Variants in POLN observed in about 807,000 individuals in gnomAD.
The protein encoded by POLN is DNA polymerase N.
In POLN, 108 loss-of-function variants were observed where a neutral mutation model predicts 113.5. The observed-to-expected ratio is 0.95, with a 90% CI of 0.81 to 1.12. The LOEUF is 1.12. Ranked by LOEUF, POLN falls within the 50% of genes most tolerant of loss-of-function variation. The pLI is 0.00. For synonymous variants in POLN, 386 were observed against 391.5 expected (o/e 0.99, Z 0.17); for missense variants, 1,097 against 1,077.1 (o/e 1.02, Z -0.26).
rs1553897843 is a variant in POLN, at chr4:2,147,643, C to CTTTCTTTTTTT, written c.1731+9144_1731+9145insAAAAAAAGAAA. Among the ~76,000 whole-genome samples the CTTTCTTTTTTT allele has an allele frequency of 2.6e-3, 209 of 79,348 alleles. 2 individuals carry two copies. The highest frequency in any genetic ancestry group is 8.1e-3 in the African/African-American group (197 of 24,228). 52.1% of individuals were successfully genotyped at this position (79,348 alleles called of 152,430 possible). On this transcript the variant is annotated intron_variant, in intron 16 of 25. Transcript: ENST00000511885. Reference sequence around the variant, plus strand: ...AGATCAGACATCCAGTTTTTCTTTTCTTTTTTTTTTTTTTTTGAGACAAAG... The same window carrying CTTTCTTTTTTT: ...AGATCAGACATCCAGTTTTTCTTTTCTTTCTTTTTTTTTTTTTTTTTTTTTTTGAGACAAAG...
At chr4:2,078,669 C>T (rs1399819135) in intron 23 of POLN, 2 of 985,334 alleles carry the variant, frequency 2.0e-6, no homozygotes, top group Non-Finnish European at 2.4e-6. Flanking sequence ...TTTCACATTA[C>T]TCCTGGAAGA....
intron 11 of POLN, among the ~76,000 whole-genome samples, chr4:2,171,949 A>T (rs1002413362): frequency 1.3e-5 from 2 of 152,240 alleles, no homozygotes; most frequent in African/African-American, 4.8e-5. Flanking sequence ...AACATCACAT[A>T]GAACAAGACA....
intron 3 of POLN, among the ~76,000 whole-genome samples, chr4:2,220,171 A>AGGT (rs1354197186): frequency 1.3e-5 from 2 of 151,958 alleles, no homozygotes; most frequent in Non-Finnish European, 2.9e-5. Context: ...CTCCTTTGCC[A>AGGT]CCTGGCACGA....
intron 19 of POLN, 58 bp downstream of exon 19, chr4:2,128,055 T>C: frequency 8.9e-7 from 1 of 1,126,842 alleles, no homozygotes; most frequent in Non-Finnish European, 1.3e-6. Context: ...TTCCAGGCTT[T>C]TAAACTCATG....
intron 13 of POLN, among the ~76,000 whole-genome samples, chr4:2,159,804 C>A (rs1732532870): frequency 6.6e-6 from 1 of 152,164 alleles, no homozygotes; most frequent in Non-Finnish European, 1.5e-5. Flanking sequence ...TTTTGGGGTT[C>A]ATCAACATAT....
At chr4:2,210,923 TAATAAATAAATAAATA>T (rs4030453) in intron 4 of POLN, among the ~76,000 whole-genome samples, 7 of 134,412 alleles carry the variant, frequency 5.2e-5, no homozygotes, top group African/African-American at 8.4e-5. Flanking sequence ...TCTCAAAACA[TAATAAATAAATAAATA>T]AATAAATAAA....
chr4:2,153,747 T>A (rs1473711262), intron 16 of POLN, among the ~76,000 whole-genome samples: 1 of 151,832 alleles, frequency 6.6e-6, no homozygotes, highest in African/African-American at 2.4e-5. Flanking sequence ...CACGCCCGGC[T>A]AATTTTTTTT....
chr4:2,089,086 G>T (rs140721508), intron 20 of POLN: 3 of 903,534 alleles, frequency 3.3e-6, no homozygotes, highest in Admixed American at 2.1e-5. Flanking sequence ...CAATGGATTG[G>T]TCTACTATAG....
chr4:2,079,321 G>T, intron 23 of POLN: 1 of 697,666 alleles, frequency 1.4e-6, no homozygotes, highest in Non-Finnish European at 1.8e-6. Flanking sequence ...AGCACAAGCT[G>T]CTCATATCCT....
chr4:2,220,401 G>C (rs1734226742), intron 3 of POLN, among the ~76,000 whole-genome samples: 1 of 152,166 alleles, frequency 6.6e-6, no homozygotes, highest in African/African-American at 2.4e-5. Flanking sequence ...GCTTCCTACT[G>C]AGTTTCACAA....
chr4:2,128,822 A>G (rs1345479495), intron 18 of POLN, among the ~76,000 whole-genome samples: 1 of 152,214 alleles, frequency 6.6e-6, no homozygotes, highest in Admixed American at 6.5e-5. Context: ...TGGGAGGCCA[A>G]GGCAGGTGGA....
intron 3 of POLN, among the ~76,000 whole-genome samples, chr4:2,219,913 C>G (rs981416032): frequency 1.3e-5 from 2 of 152,092 alleles, no homozygotes; most frequent in African/African-American, 2.4e-5. Context: ...GAAGTGATCC[C>G]GCATAAATAA....
At chr4:2,178,362 G>C (rs1443026425) in intron 8 of POLN, among the ~76,000 whole-genome samples, 2 of 152,228 alleles carry the variant, frequency 1.3e-5, no homozygotes, top group Non-Finnish European at 2.9e-5. Context: ...AGTAGCCTGT[G>C]TGTTCTTCCA....
intron 11 of POLN, among the ~76,000 whole-genome samples, chr4:2,172,257 G>C (rs1329259931): frequency 6.6e-6 from 1 of 152,164 alleles, no homozygotes; most frequent in Admixed American, 6.5e-5. Context: ...ACAGGAACTT[G>C]AATTGAACCT....
chr4:2,225,519 A>G (rs976681249), intron 3 of POLN, among the ~76,000 whole-genome samples: 3 of 151,572 alleles, frequency 2.0e-5, no homozygotes, highest in Non-Finnish European at 4.4e-5. Context: ...GCACCACTGT[A>G]CTCCAGCTTG....
intron 13 of POLN, among the ~76,000 whole-genome samples, chr4:2,163,492 G>C (rs1406577924): frequency 6.6e-6 from 1 of 152,254 alleles, no homozygotes; most frequent in African/African-American, 2.4e-5. Context: ...CCATGGCTCC[G>C]CGGGCTCACC....
At chr4:2,165,253 A>C (rs1732701322) in intron 13 of POLN, among the ~76,000 whole-genome samples, 1 of 152,242 alleles carries the variant, frequency 6.6e-6, no homozygotes, top group Non-Finnish European at 1.5e-5. Context: ...GCTGAAAAGA[A>C]ATGAACTATC....
chr4:2,175,615 G>T (rs6822166), intron 9 of POLN, among the ~76,000 whole-genome samples: 42,600 of 151,864 alleles, frequency 0.28, 9,972 homozygotes, highest in African/African-American at 0.63. Flanking sequence ...ATTGTTTTTA[G>T]TTTTCCTGCT....
intron 21 of POLN, chr4:2,083,143 T>G (rs752212407): frequency 9.9e-5 from 15 of 152,208 alleles, no homozygotes; most frequent in African/African-American, 3.6e-4. Context: ...TCACTCAATG[T>G]ATGCGTATCT....
Sources: gnomAD v4.1 joint callset for allele counts (sites outside exome capture counted in the v4.1 genomes callset) on GRCh38, gnomAD v4.1.1 for gene constraint, MANE v1.5 for transcripts, NCBI Gene and HGNC (gene_info 2026-07-23, HGNC 2026-07-21) for gene names.